UNC13B: variants seen among roughly 807,000 people sequenced by gnomAD.
UNC13B encodes unc-13 homolog B.
In UNC13B, 144 loss-of-function variants were observed where a neutral mutation model predicts 211.0. That is an observed-to-expected ratio of 0.68 (90% CI 0.60 to 0.78). The LOEUF (loss-of-function observed/expected upper bound fraction) is 0.78, where lower values mean the gene tolerates loss of function less well. Ranked by LOEUF, UNC13B falls within the 30% of genes least tolerant of loss-of-function variation. The pLI, the probability that UNC13B is intolerant of heterozygous loss-of-function variation, is 0.00. For missense variants in UNC13B, 1,777 were observed against 2,002.0 expected, an observed-to-expected ratio of 0.89 and a Z score of 2.14; for synonymous variants, 709 against 725.8, an observed-to-expected ratio of 0.98 and a Z score of 0.37.
intron 24 of UNC13B, 105 bp from the exon 25 acceptor site, chr9:35,389,741 A>G: frequency 8.0e-7 from 1 of 1,251,430 alleles, no homozygotes; most frequent in Non-Finnish European, 1.1e-6. Context: ...TTGATTCTAG[A>G]GGAAGAGGTA....
At chr9:35,385,665 G>A (rs1045848081) in intron 22 of UNC13B, 59 bp from the exon 23 acceptor site, 151 of 1,524,298 alleles carry the variant, frequency 9.9e-5, no homozygotes, top group Non-Finnish European at 1.3e-4. Context: ...CATCACTTTT[G>A]GCAGGGAAGG....
At chr9:35,358,622 A>G (rs1833188643) in intron 11 of UNC13B, among the ~76,000 whole-genome samples, 1 of 151,360 alleles carries the variant, frequency 6.6e-6, no homozygotes, top group Non-Finnish European at 1.5e-5. Context: ...GTTAATCTGA[A>G]GTCAGAAAGA....
chr9:35,266,102 T>A (rs1382629366), intron 7 of UNC13B, among the ~76,000 whole-genome samples: 6 of 152,152 alleles, frequency 3.9e-5, no homozygotes, highest in African/African-American at 7.2e-5. Flanking sequence ...CCAAGCCCAG[T>A]TGAGTCCTTG....
At chr9:35,258,932 C>G (rs753676033) in intron 6 of UNC13B, 61 bp from the exon 7 acceptor site, 78 of 1,545,234 alleles carry the variant, frequency 5.0e-5, no homozygotes, top group Non-Finnish European at 6.7e-5. Flanking sequence ...GATTTTTTTC[C>G]CTGTCTTTAC....
chr9:35,257,360 T>TAAAAATTTATAA (rs1826963160), intron 6 of UNC13B, among the ~76,000 whole-genome samples: 1 of 2,972 alleles, frequency 3.4e-4, no homozygotes, highest in African/African-American at 4.2e-4. Flanking sequence ...AATATTTATA[T>TAAAAATTTATAA]AAATATTTAT....
chr9:35,329,212 A>G (rs1423742559), intron 11 of UNC13B, among the ~76,000 whole-genome samples: 1 of 152,120 alleles, frequency 6.6e-6, no homozygotes, highest in Non-Finnish European at 1.5e-5. Flanking sequence ...AACCTTCCCC[A>G]GGGGTTGGAT....
intron 37 of UNC13B, among the ~76,000 whole-genome samples, chr9:35,400,877 A>G (rs1296115004): frequency 6.6e-6 from 1 of 152,164 alleles, no homozygotes; most frequent in Non-Finnish European, 1.5e-5. Context: ...CAGCATGGAT[A>G]GGGAGACAAG....
At chr9:35,174,714 AT>A (rs1383712992) in intron 1 of UNC13B, among the ~76,000 whole-genome samples, 1 of 151,452 alleles carries the variant, frequency 6.6e-6, no homozygotes, top group African/African-American at 2.4e-5. Flanking sequence ...CGCCTGGCTA[AT>A]TTTTTTTGTA....
At chr9:35,403,128 G>A in intron 37 of UNC13B, 39 bp from the exon 38 acceptor site, 1 of 1,604,310 alleles carries the variant, frequency 6.2e-7, no homozygotes, top group Middle Eastern at 1.7e-4. Flanking sequence ...ACCTCCTACA[G>A]TTCTCCAATG....
In UNC13B at chr9:35,300,675, G is replaced by T; in HGVS notation, c.1271G>T (p.Arg424Met). 2.5e-6 allele frequency: 1 copy of T among 398,960 alleles called. No homozygotes were observed. Among genetic ancestry groups the T allele is most frequent in the Non-Finnish European group, 4.4e-6 (1 of 226,010 alleles). 24.7% of individuals were successfully genotyped at this position (398,960 alleles called of 1,614,324 possible). A position where few individuals can be genotyped will look rare whatever the true frequency, so the allele number is the denominator to read the frequency against. Residue 424 changes from arginine to methionine, a missense_variant, in exon 9 of 40, where the codon AGG becomes ATG. Physicochemically the swap from Arg to Met is moderately conservative, Grantham distance 91. Transcript: ENST00000635942. ...GCAAATTCAGCATTGCCATTACAAA[G>T]GATGAATTGTGATGCAAAAACACTT... ...YVANSALPLQ[R>M]MNCDAKTLGD...
chr9:35,186,240 C>T (rs535312730), intron 1 of UNC13B, among the ~76,000 whole-genome samples: 57 of 152,138 alleles, frequency 3.7e-4, no homozygotes, highest in Non-Finnish European at 7.5e-4. Flanking sequence ...ACCACCTATT[C>T]TCTCTGAAGC....
At chr9:35,233,100 G>C (rs185788752) in intron 3 of UNC13B, among the ~76,000 whole-genome samples, 32 of 152,268 alleles carry the variant, frequency 2.1e-4, no homozygotes, top group African/African-American at 6.7e-4. Flanking sequence ...GAGAGCACCT[G>C]TTTCCTTCTT....
intron 11 of UNC13B, among the ~76,000 whole-genome samples, chr9:35,335,210 A>G (rs1368334232): frequency 1.3e-5 from 2 of 152,252 alleles, no homozygotes; most frequent in African/African-American, 4.8e-5. Context: ...CCCAGAGAAT[A>G]CTAAGTTAGC....
At chr9:35,318,396 G>GCCCCGCCA (rs1157948143) in intron 11 of UNC13B, among the ~76,000 whole-genome samples, 4 of 152,006 alleles carry the variant, frequency 2.6e-5, no homozygotes, top group Non-Finnish European at 4.4e-5. Context: ...CCCCGCTGCC[G>GCCCCGCCA]CCCCGCCACC....
At chr9:35,397,605 T>TA in intron 29 of UNC13B, 30 bp from the exon 30 acceptor site, 1 of 1,600,950 alleles carries the variant, frequency 6.2e-7, no homozygotes, top group South Asian at 1.1e-5. Flanking sequence ...AGAGTTCCCT[T>TA]TCCTTTTCTT....
rs1835115447 is a variant in UNC13B, at chr9:35,385,267, C to T, written c.10876-457C>T. 4.1e-6 allele frequency: 4 copies of T among 985,348 alleles called. 1 individual carries two copies. In the South Asian group the frequency reaches 1.4e-4, roughly 35 times the overall value. The allele number at this position is 985,348 out of a possible 1,614,324, so 61.0% of individuals were successfully genotyped here. A position where few individuals can be genotyped will look rare whatever the true frequency, so the allele number is the denominator to read the frequency against. On this transcript the variant is annotated intron_variant, in intron 22 of 39. Coordinates refer to ENST00000635942, the MANE Select transcript of UNC13B (RefSeq NM_001371189.2). ...TGCTGGCTGCAGAACAGTAGAAGAGCTGGGTTCTATTGTACAAAAAGTACA... is the reference window on the plus strand; with the variant it reads ...TGCTGGCTGCAGAACAGTAGAAGAGTTGGGTTCTATTGTACAAAAAGTACA...
intron 1 of UNC13B, among the ~76,000 whole-genome samples, chr9:35,212,147 A>G (rs1172341273): frequency 6.6e-6 from 1 of 152,260 alleles, no homozygotes; most frequent in East Asian, 1.9e-4. Flanking sequence ...AGACTGCTTC[A>G]CTTTTGCATG....
chr9:35,326,731 A>G (rs1402588181), intron 11 of UNC13B, among the ~76,000 whole-genome samples: 1 of 152,216 alleles, frequency 6.6e-6, no homozygotes, highest in African/African-American at 2.4e-5. Flanking sequence ...GATTAACAAC[A>G]TAATAAAATA....
At chr9:35,397,532 C>A in intron 29 of UNC13B, 103 bp from the exon 30 acceptor site, 1 of 1,376,350 alleles carries the variant, frequency 7.3e-7, no homozygotes, top group Non-Finnish European at 1.0e-6. Context: ...CCCTTTACCT[C>A]CCTGTTGTTA....
Sources: allele counts gnomAD v4.1 joint callset (sites outside exome capture counted in the v4.1 genomes callset), GRCh38; gene constraint gnomAD v4.1.1; transcripts MANE v1.5; gene names NCBI Gene and HGNC (gene_info 2026-07-23, HGNC 2026-07-21).